SRGAP2B: variants seen among roughly 807,000 people sequenced by gnomAD.
SRGAP2B encodes SLIT-ROBO Rho GTPase activating protein 2B, also known as SLIT-ROBO Rho GTPase-activating protein 2B.
Under a neutral mutation model 22.2 loss-of-function variants are expected in SRGAP2B, and 9 were observed. The observed-to-expected ratio is 0.41, with a 90% confidence interval of 0.24 to 0.71. SRGAP2B has a LOEUF of 0.71. Ranked by LOEUF, SRGAP2B falls within the 30% of genes least tolerant of loss-of-function variation. The pLI, the probability that SRGAP2B is intolerant of heterozygous loss-of-function variation, is 0.35. For synonymous variants in SRGAP2B, 36 were observed against 87.4 expected, an observed-to-expected ratio of 0.41 and a Z score of 3.28; for missense variants, 114 against 235.8, an observed-to-expected ratio of 0.48 and a Z score of 3.38.
chr1:145,073,012 AC>A (rs1406571867), intron 2 of SRGAP2B, among the ~76,000 whole-genome samples: 9 of 148,336 alleles, frequency 6.1e-5, no homozygotes, highest in African/African-American at 2.0e-4. Flanking sequence ...GGGGCCTCCA[AC>A]CAAACTCGGA....
chr1:144,941,110 T>G (rs1666007235), intron 4 of SRGAP2B, among the ~76,000 whole-genome samples: 1 of 146,334 alleles, frequency 6.8e-6, no homozygotes, highest in Non-Finnish European at 1.5e-5. Context: ...CACAATATCT[T>G]GAAAAAAACA....
chr1:145,045,044 C>A (rs1330005768), intron 2 of SRGAP2B, among the ~76,000 whole-genome samples: 5 of 146,594 alleles, frequency 3.4e-5, no homozygotes, highest in South Asian at 4.5e-4. Flanking sequence ...CAGAATGCCA[C>A]AGACTGCATA....
At chr1:144,947,553 G>T (rs1666556753) in intron 4 of SRGAP2B, among the ~76,000 whole-genome samples, 2 of 150,166 alleles carry the variant, frequency 1.3e-5, no homozygotes, top group Admixed American at 6.6e-5. Context: ...AGTATTAACT[G>T]AGCCTCTTAC....
chr1:145,066,582 T>C lies in SRGAP2B; in HGVS notation c.67+26253A>G, dbSNP rs1473250379. On this transcript the variant is annotated intron_variant, in intron 2 of 9. Transcript: ENST00000612199. The stretch of plus-strand genomic sequence containing the variant: ...TTCCTCTGGAAAACCTTGACTGGAG[T>C]GTTCTTTCTACTTGCTTCAGACTAT... Among the ~76,000 whole-genome samples, 317 of 150,036 alleles carry C rather than the reference T, an allele frequency of 2.1e-3. 1 individual carries two copies. Among genetic ancestry groups the C allele is most frequent in the African/African-American group, 7.3e-3 (297 of 40,536 alleles).
At chr1:144,973,118 A>G (rs1455261908) in intron 3 of SRGAP2B, among the ~76,000 whole-genome samples, 1 of 148,588 alleles carries the variant, frequency 6.7e-6, no homozygotes, top group Non-Finnish European at 1.5e-5. Flanking sequence ...AACAAAAAAA[A>G]GAATAACAGA....
chr1:144,925,728 AAAGAAAGAAAGAAAGAAAG>A (rs1664643390), intron 4 of SRGAP2B, among the ~76,000 whole-genome samples: 2 of 9,106 alleles, frequency 2.2e-4, no homozygotes, highest in Non-Finnish European at 5.2e-4. Context: ...GAGAGAAAGA[AAAGAAAGAAAGAAAGAAAG>A]AAAGAAAGAA....
chr1:144,939,025 G>T (rs1287302930), intron 4 of SRGAP2B, among the ~76,000 whole-genome samples: 1 of 58,200 alleles, frequency 1.7e-5, no homozygotes, highest in Non-Finnish European at 3.3e-5. Context: ...ACTGAGTACT[G>T]CTGCCAATGC....
At chr1:145,080,051 T>G (rs1313973160) in intron 2 of SRGAP2B, among the ~76,000 whole-genome samples, 2 of 149,404 alleles carry the variant, frequency 1.3e-5, no homozygotes, top group African/African-American at 5.1e-5. Context: ...CTTTTAAATT[T>G]AAGTACTGCA....
chr1:144,922,951 A>C (rs1553604492), intron 4 of SRGAP2B, among the ~76,000 whole-genome samples: 1 of 151,324 alleles, frequency 6.6e-6, no homozygotes, highest in African/African-American at 2.5e-5. Flanking sequence ...ATTCCTTGGC[A>C]TGATGTGAAC....
At chr1:145,009,672 C>T (rs1398705877) in intron 2 of SRGAP2B, among the ~76,000 whole-genome samples, 1 of 145,914 alleles carries the variant, frequency 6.9e-6, no homozygotes, top group Non-Finnish European at 1.5e-5. Flanking sequence ...ACACTAGTCT[C>T]TCTACTGTAT....
intron 3 of SRGAP2B, among the ~76,000 whole-genome samples, chr1:144,970,125 G>C (rs1370543196): frequency 1.4e-5 from 2 of 147,192 alleles, no homozygotes; most frequent in South Asian, 2.1e-4. Context: ...AATACCATTT[G>C]ACCCAGCCAT....
intron 4 of SRGAP2B, among the ~76,000 whole-genome samples, chr1:144,943,517 G>C (rs1300202419): frequency 6.7e-6 from 1 of 148,930 alleles, no homozygotes; most frequent in Admixed American, 6.7e-5. Flanking sequence ...CAAAAGAATA[G>C]AGAAAAGGAA....
intron 5 of SRGAP2B, among the ~76,000 whole-genome samples, chr1:144,911,404 C>T (rs1167207733): frequency 6.7e-6 from 1 of 150,278 alleles, no homozygotes; most frequent in Non-Finnish European, 1.5e-5. Context: ...CAGCTTCCCA[C>T]CTGATAAAAC....
intron 4 of SRGAP2B, among the ~76,000 whole-genome samples, chr1:144,947,509 G>A (rs1427168052): frequency 6.6e-6 from 1 of 150,376 alleles, no homozygotes; most frequent in Non-Finnish European, 1.5e-5. Context: ...AATGGCAAAA[G>A]GACACGTTTA....
At chr1:144,912,019 C>T (rs1274714602) in intron 5 of SRGAP2B, among the ~76,000 whole-genome samples, 310 of 125,722 alleles carry the variant, frequency 2.5e-3, no homozygotes, top group Middle Eastern at 0.021. Context: ...GGCACGATCT[C>T]GGCTCACTGC....
intron 2 of SRGAP2B, among the ~76,000 whole-genome samples, chr1:145,061,835 T>G (rs1650951797): frequency 8.0e-6 from 1 of 124,754 alleles, no homozygotes; most frequent in African/African-American, 3.1e-5. Context: ...TAAGTTAAAA[T>G]AAAATGCTAG....
At chr1:144,933,420 C>T (rs1222829823) in intron 4 of SRGAP2B, among the ~76,000 whole-genome samples, 1 of 147,822 alleles carries the variant, frequency 6.8e-6, no homozygotes, top group East Asian at 2.0e-4. Context: ...GAGGGGTGTA[C>T]CCTCTATAGA....
chr1:144,924,493 C>CA (rs1249971206), intron 4 of SRGAP2B, among the ~76,000 whole-genome samples: 1 of 149,484 alleles, frequency 6.7e-6, no homozygotes, highest in Admixed American at 6.6e-5. Context: ...GTAATCCCAG[C>CA]ACTTTGGGAG....
intron 6 of SRGAP2B, 50 bp from the exon 7 acceptor site, chr1:144,905,269 T>C (rs1412214331): frequency 2.8e-6 from 2 of 716,170 alleles, no homozygotes; most frequent in African/African-American, 1.8e-5. Flanking sequence ...TAAGGGGGGC[T>C]TGTTCTCTAA....
Sources: allele counts gnomAD v4.1 joint callset (sites outside exome capture counted in the v4.1 genomes callset), GRCh38; gene constraint gnomAD v4.1.1; transcripts MANE v1.5; gene names NCBI Gene and HGNC (gene_info 2026-07-23, HGNC 2026-07-21).